The following TTC17 variants were observed in gnomAD, a reference collection of about 807,000 sequenced individuals.
TTC17 encodes tetratricopeptide repeat domain 17.
In TTC17, 58 loss-of-function variants were observed where a neutral mutation model predicts 143.8. The observed-to-expected ratio is 0.40, with a 90% CI of 0.33 to 0.50. TTC17 has a LOEUF of 0.50. Ranked by LOEUF, TTC17 falls within the 20% of genes least tolerant of loss-of-function variation. TTC17 has a pLI of 0.49. For synonymous variants in TTC17, 501 were observed against 497.8 expected, an observed-to-expected ratio of 1.01 and a Z score of -0.09; for missense variants, 1,273 against 1,392.5, an observed-to-expected ratio of 0.91 and a Z score of 1.37.
chr11:43,435,107 A>ATAGATAGG (rs1565164545), intron 16 of TTC17: 2 of 152,096 alleles, frequency 1.3e-5, no homozygotes, highest in Non-Finnish European at 2.9e-5. Context: ...AGATAGATAG[A>ATAGATAGG]TAGATAGATA....
At chr11:43,450,036 C>A (rs1330044704) in intron 19 of TTC17, 46 bp from the exon 20 acceptor site, 1 of 1,587,224 alleles carries the variant, frequency 6.3e-7, no homozygotes, top group Admixed American at 1.7e-5. Flanking sequence ...TCTTCCCACC[C>A]ACTCAAAAAT....
chr11:43,378,893 A>G, intron 1 of TTC17: 1 of 232,308 alleles, frequency 4.3e-6, no homozygotes, highest in South Asian at 5.6e-5. Context: ...AAAACAAGAC[A>G]ATTCATTTTT....
intron 1 of TTC17, among the ~76,000 whole-genome samples, chr11:43,374,481 C>T (rs1474368145): frequency 6.6e-6 from 1 of 151,992 alleles, no homozygotes; most frequent in African/African-American, 2.4e-5. Flanking sequence ...ACAGAGTAAA[C>T]CTATAGAATG....
At chr11:43,445,516 T>C (rs1223662703) in intron 18 of TTC17, among the ~76,000 whole-genome samples, 1 of 152,204 alleles carries the variant, frequency 6.6e-6, no homozygotes, top group African/African-American at 2.4e-5. Context: ...ATATTACTTT[T>C]ATAAACAAAA....
intron 16 of TTC17, among the ~76,000 whole-genome samples, chr11:43,432,838 G>A (rs1423314035): frequency 6.6e-6 from 1 of 152,114 alleles, no homozygotes; most frequent in Non-Finnish European, 1.5e-5. Flanking sequence ...TCTAAAGAAT[G>A]GAAATTTTAA....
chr11:43,414,959 C>T (rs947327033), intron 16 of TTC17, among the ~76,000 whole-genome samples, 183 bp downstream of exon 16: 1 of 152,146 alleles, frequency 6.6e-6, no homozygotes. Context: ...GGTATTAAGG[C>T]TTAATTCTCT....
intron 16 of TTC17, among the ~76,000 whole-genome samples, chr11:43,433,142 C>T (rs1409619074): frequency 2.0e-5 from 3 of 152,076 alleles, no homozygotes; most frequent in African/African-American, 4.8e-5. Context: ...CTGGGACTAC[C>T]GGCATGTGCC....
At chr11:43,433,651 A>G (rs1332498177) in intron 16 of TTC17, among the ~76,000 whole-genome samples, 5 of 152,206 alleles carry the variant, frequency 3.3e-5, no homozygotes, top group African/African-American at 9.6e-5. Context: ...TTCGTATTGC[A>G]TAAGTTTAAA....
At chr11:43,375,992 GA>G (rs1856751429) in intron 1 of TTC17, among the ~76,000 whole-genome samples, 1 of 152,070 alleles carries the variant, frequency 6.6e-6, no homozygotes, top group African/African-American at 2.4e-5. Context: ...CAAATAACAT[GA>G]ACATAATTTG....
At chr11:43,481,496 C>T (rs1948285912) in intron 21 of TTC17, among the ~76,000 whole-genome samples, 1 of 152,102 alleles carries the variant, frequency 6.6e-6, no homozygotes, top group African/African-American at 2.4e-5. Flanking sequence ...GCCAGTGAAG[C>T]CATCTGGTCC....
intron 21 of TTC17, among the ~76,000 whole-genome samples, chr11:43,473,624 T>C (rs2134838521): frequency 6.6e-6 from 1 of 152,238 alleles, no homozygotes; most frequent in East Asian, 1.9e-4. Context: ...CCTGTAATCT[T>C]ACCACTTTGG....
chr11:43,391,596 A>AT lies in TTC17; in HGVS notation c.531+33dup, dbSNP rs201254262. The AT allele has an allele frequency of 0.043, 52,964 of 1,237,170 alleles. 399 individuals carry two copies. The highest frequency in any genetic ancestry group is 0.13 in the African/African-American group (4,426 of 33,820). The allele number at this position is 1,237,170 out of a possible 1,614,324, so 76.6% of individuals were successfully genotyped here. On this transcript the variant is annotated intron_variant, in intron 4 of 23. Coordinates refer to ENST00000039989, the MANE Select transcript of TTC17 (RefSeq NM_018259.6). ...TTGAGAGTAAGTAGAGAACTTTAGGATTTTTTTTTTTTTGCGTTGCGTTCT... is the reference window on the plus strand; with the variant it reads ...TTGAGAGTAAGTAGAGAACTTTAGGATTTTTTTTTTTTTTGCGTTGCGTTCT...
At chr11:43,442,010 T>C (rs1407470248) in intron 16 of TTC17, among the ~76,000 whole-genome samples, 1 of 152,148 alleles carries the variant, frequency 6.6e-6, no homozygotes, top group East Asian at 1.9e-4. Flanking sequence ...GAGTGTACTG[T>C]ACTTACTTAC....
intron 1 of TTC17, among the ~76,000 whole-genome samples, chr11:43,364,682 T>A (rs1856259810): frequency 6.6e-6 from 1 of 152,226 alleles, no homozygotes; most frequent in Non-Finnish European, 1.5e-5. Context: ...TTATTTTTCT[T>A]CTTATAAATT....
intron 21 of TTC17, among the ~76,000 whole-genome samples, chr11:43,465,859 C>T (rs984626731): frequency 7.0e-6 from 1 of 142,958 alleles, no homozygotes; most frequent in Non-Finnish European, 1.5e-5. Flanking sequence ...AGGAAAAAAG[C>T]ATTAAGACAA....
chr11:43,392,130 A>G (rs1375636948), intron 5 of TTC17, among the ~76,000 whole-genome samples, 178 bp downstream of exon 5: 1 of 152,254 alleles, frequency 6.6e-6, no homozygotes, highest in Non-Finnish European at 1.5e-5. Flanking sequence ...ATATGGATAG[A>G]CTAGTCTCCT....
At chr11:43,477,350 T>G (rs1209146289) in intron 21 of TTC17, among the ~76,000 whole-genome samples, 1 of 152,224 alleles carries the variant, frequency 6.6e-6, no homozygotes, top group Non-Finnish European at 1.5e-5. Context: ...TTCCACATTT[T>G]CAGGTATCTT....
At position 43,405,516 on chromosome 11, in the gene TTC17, C is replaced by T; in HGVS notation, c.1482C>T (p.Asp494=). The change falls in exon 12 of 24, where the codon GAC becomes GAT. Residue 494 remains aspartate (D), a splice_region_variant and synonymous_variant. Transcript: ENST00000039989. ...IWGRDSDAYR[D]KQHILWPKRA... Reference sequence around the variant, plus strand: ...GAGAAATTTTGTTTCTTTATCAGGACAAACAGCATATTCTATGGCCTAAAA... The same window carrying T: ...GAGAAATTTTGTTTCTTTATCAGGATAAACAGCATATTCTATGGCCTAAAA... 4 of 1,612,828 alleles carry T rather than the reference C, an allele frequency of 2.5e-6. No individual in the cohort carries two copies. Among genetic ancestry groups the T allele is most frequent in the Non-Finnish European group, 2.5e-6 (3 of 1,179,004 alleles).
intron 2 of TTC17, among the ~76,000 whole-genome samples, chr11:43,381,362 G>T (rs1052463962): frequency 6.6e-6 from 1 of 152,110 alleles, no homozygotes. Context: ...CAAAGCTACC[G>T]ACCTTTTGGG....
Sources: gnomAD v4.1 joint callset for allele counts (sites outside exome capture counted in the v4.1 genomes callset) on GRCh38, gnomAD v4.1.1 for gene constraint, MANE v1.5 for transcripts, NCBI Gene and HGNC (gene_info 2026-07-23, HGNC 2026-07-21) for gene names.